The following EIF2B4 variants were observed in gnomAD, a reference collection of about 807,000 sequenced individuals.
EIF2B4 encodes the protein eukaryotic translation initiation factor 2B subunit delta.
A neutral mutation model predicts 66.7 loss-of-function variants in EIF2B4; 34 were observed. The ratio of observed to expected loss-of-function variants is 0.51; its 90% CI spans 0.39 to 0.68. The LOEUF (loss-of-function observed/expected upper bound fraction) is 0.68, where lower values mean the gene tolerates loss of function less well. EIF2B4 is among the 30% of genes least tolerant of loss of function. EIF2B4 has a pLI of 0.00. For synonymous variants in EIF2B4, 278 were observed against 253.6 expected, an observed-to-expected ratio of 1.10 and a Z score of -0.92; for missense variants, 618 against 657.9, an observed-to-expected ratio of 0.94 and a Z score of 0.66.
chr2:27,366,202 G>C (rs1336847415), intron 11 of EIF2B4: 2 of 142,964 alleles, frequency 1.4e-5, no homozygotes, highest in Admixed American at 1.4e-4. Context: ...TGCCCGGGGT[G>C]GGGGTGGGGT....
At chr2:27,368,183 C>T in intron 6 of EIF2B4, 44 bp from the exon 7 acceptor site, 1 of 1,481,416 alleles carries the variant, frequency 6.8e-7, no homozygotes, top group South Asian at 1.2e-5. Context: ...GGAGCTTGAG[C>T]ATCTACTGCC....
At chr2:27,369,331 T>C in intron 3 of EIF2B4, 83 bp downstream of exon 3, 4 of 1,610,478 alleles carry the variant, frequency 2.5e-6, no homozygotes, top group Non-Finnish European at 3.4e-6. Context: ...AAATCAACTT[T>C]GTCCTGTCTC....
At chr2:27,368,244 CCT>C (rs1682011945) in intron 6 of EIF2B4, 105 bp from the exon 7 acceptor site, 2 of 1,298,060 alleles carry the variant, frequency 1.5e-6, no homozygotes, top group East Asian at 2.5e-5. Context: ...TTTCCCCACT[CCT>C]CTACAGTTCT....
In EIF2B4 at chr2:27,370,284, C is replaced by T. The variant is rs1449857863; in HGVS notation, c.31G>A (p.Asp11Asn). Residue 11 changes from aspartate (D) to asparagine (N), a missense_variant and splice_region_variant, in exon 1 of 13, where the codon GAC (aspartate) becomes AAC (asparagine). Transcript: ENST00000347454. Reference protein sequence around the residue: MAAVAVAVREDSGSGMKAELP... With the variant: MAAVAVAVRENSGSGMKAELP... ...TAGGCAGGCCCGGCTCTTCACTCAC[C>T]CTCGCGAACAGCCACGGCCACAGCA... The T allele has an allele frequency of 1.3e-6, 2 of 1,548,756 alleles. No homozygotes were observed. The highest frequency in any genetic ancestry group is 8.7e-7 in the Non-Finnish European group (1 of 1,149,548).
Position 27,368,101 on chromosome 2 carries a change from A to T in EIF2B4, c.629T>A (p.Leu210His), listed in dbSNP as rs1477744910. 6.2e-7 allele frequency: 1 copy of T among 1,600,178 alleles called. No individual in the cohort carries two copies. Among genetic ancestry groups the T allele is most frequent in the Non-Finnish European group, 8.5e-7 (1 of 1,173,276 alleles). Residue 210 changes from leucine to histidine, a missense_variant, in exon 7 of 13, where the codon CTC (leucine) becomes CAC (histidine). Physicochemically the swap from Leu to His is moderately conservative, Grantham distance 99 (BLOSUM62 -3). Transcript: ENST00000347454. ...SSVIHPAMVR[L>H]GLQYSQGLVS... ...CAGGCCCTGGGAGTACTGCAGGCCG[A>T]GTCGCACCATGGCTGGGTGGATCAC...
At chr2:27,367,018 CCTT>C in intron 10 of EIF2B4, 53 bp downstream of exon 10, 2 of 1,613,932 alleles carry the variant, frequency 1.2e-6, no homozygotes, top group Non-Finnish European at 1.7e-6. Flanking sequence ...GTGGGTAGTC[CCTT>C]CTTCAGATCA....
At position 27,364,360 on chromosome 2, in the gene EIF2B4, G is replaced by C; in HGVS notation, c.*40C>G. 6.3e-7 allele frequency: 1 copy of C among 1,597,398 alleles called. No individual in the cohort carries two copies. The highest frequency in any genetic ancestry group is 8.6e-7 in the Non-Finnish European group (1 of 1,167,594). On this transcript the variant is annotated 3_prime_UTR_variant, in exon 13 of 13. Transcript: ENST00000347454. ...AAACAAAGGCAGCAGAGTTGCTGAG[G>C]GTAGGGAGTATGGCATTTATTAACC...
Position 27,368,386 on chromosome 2 carries a change from C to A in EIF2B4, c.576G>T (p.Leu192=). ...HLPQYSRQNS[L]TQFMSIPSSV... is the part of the protein sequence containing the mutation. Reference sequence around the variant, plus strand: ...TAGGATCCTACCTCATAAACTGGGTCAGAGAGTTTTGTCTGCTGTACTGGG... The same window carrying A: ...TAGGATCCTACCTCATAAACTGGGTAAGAGAGTTTTGTCTGCTGTACTGGG... The change falls in exon 6 of 13, where the codon CTG becomes CTT. Residue 192 remains leucine (L), a synonymous_variant. Transcript: ENST00000347454. The A allele has an allele frequency of 6.2e-7, 1 of 1,613,628 alleles. No homozygotes were observed. The highest frequency in any genetic ancestry group is 1.1e-5 in the South Asian group (1 of 90,986).
chr2:27,370,120 CCAGCCGGTGCG>C, intron 1 of EIF2B4, 153 bp downstream of exon 1: 1 of 1,520,232 alleles, frequency 6.6e-7, no homozygotes, highest in East Asian at 2.5e-5. Context: ...CTCACAGCAA[CCAGCCGGTGCG>C]CGGCGCGGGA....
rs1314802247 is a variant in EIF2B4 at position 27,367,793 on chromosome 2, A to G, written c.735T>C (p.Asn245=). The G allele has an allele frequency of 6.2e-7, 1 of 1,614,010 alleles. No individual in the cohort carries two copies. Among genetic ancestry groups the G allele is most frequent in the Non-Finnish European group, 8.5e-7 (1 of 1,180,032 alleles). ...TCACTAGATCCCTGGAGAGTTCTTC[A>G]TTAGGCGGTGTTGTGTAATCCTGAA... ...QVIQDYTTPP[N]EELSRDLVNK... The change falls in exon 8 of 13, where the codon AAT becomes AAC. Residue 245 remains asparagine (N), a synonymous_variant. Transcript: ENST00000347454.
intron 10 of EIF2B4, 40 bp from the exon 11 acceptor site, chr2:27,366,976 G>A (rs1681911687): frequency 1.2e-6 from 2 of 1,613,632 alleles, no homozygotes; most frequent in South Asian, 1.1e-5. Flanking sequence ...ATAAATGTCA[G>A]TAACTGATGA....
At chr2:27,367,305 G>T in intron 9 of EIF2B4, 104 bp from the exon 10 acceptor site, 1 of 1,585,176 alleles carries the variant, frequency 6.3e-7, no homozygotes, top group Non-Finnish European at 8.7e-7. Context: ...CCTATAGAGG[G>T]CTCAGAGATG....
At position 27,368,732 on chromosome 2, in the gene EIF2B4, T is replaced by C. The variant is rs1572608660; in HGVS notation, c.420A>G (p.Gly140=). ...GAGGGTACTCAGGGAGACGCTTCAC[T>C]CCTGAAAGATAATCATCATGTTTTC... The part of the protein sequence containing the change: ...SPSTAGETPS[G]VKRLPEYPQV... Residue 140 remains glycine, a splice_region_variant and synonymous_variant, in exon 5 of 13, where the codon GGA becomes GGG. Transcript: ENST00000347454. 3.1e-6 allele frequency: 5 copies of C among 1,614,134 alleles called. No individual in the cohort carries two copies. The highest frequency in any genetic ancestry group is 4.2e-6 in the Non-Finnish European group (5 of 1,179,980).
intron 4 of EIF2B4, 81 bp downstream of exon 4, chr2:27,368,925 G>A (rs911319154): frequency 6.4e-6 from 10 of 1,552,826 alleles, no homozygotes; most frequent in Admixed American, 3.4e-5. Context: ...GAATGAGAGG[G>A]GAGAGCTGTT....
At chr2:27,367,341 T>G in intron 9 of EIF2B4, 116 bp downstream of exon 9, 3 of 1,575,384 alleles carry the variant, frequency 1.9e-6, no homozygotes, top group Non-Finnish European at 2.6e-6. Flanking sequence ...GCCAAACCAT[T>G]CCTTAACCCT....
Position 27,369,161 on chromosome 2 carries a change from CGAG to C in EIF2B4, c.260_262del (p.Pro87del), listed in dbSNP as rs769733183. 1 of 1,613,526 alleles carries C rather than the reference CGAG, an allele frequency of 6.2e-7. No individual in the cohort carries two copies. The highest frequency in any genetic ancestry group is 8.5e-7 in the Non-Finnish European group (1 of 1,179,986). The stretch of plus-strand genomic sequence containing the variant: ...ACTCCGACCAGCTGGAACTTTCTCC[CGAG>C]GAGTGCCCAACTGAATGCCCGATTC... On this transcript the variant is annotated inframe_deletion, in exon 4 of 13. Transcript: ENST00000347454.
rs1241937297 is a variant in EIF2B4 at position 27,364,824 on chromosome 2, C to T, written c.1266G>A (p.Gln422=). ...GSVMSRVGTA[Q]LALVARAHNV... ...TATGGGCTCGAGCCACCAGGGCTAACTGTGCTGTCCCTACCCGTGACATCA... is the reference window on the plus strand; with the variant it reads ...TATGGGCTCGAGCCACCAGGGCTAATTGTGCTGTCCCTACCCGTGACATCA... Residue 422 remains glutamine, a synonymous_variant, in exon 12 of 13, where the codon CAG becomes CAA. Transcript: ENST00000347454. The T allele has an allele frequency of 6.2e-7, 1 of 1,614,188 alleles. No homozygotes were observed. Among genetic ancestry groups the T allele is most frequent in the Admixed American group, 1.7e-5 (1 of 60,020 alleles).
Position 27,369,063 on chromosome 2 carries a change from C to T in EIF2B4, c.361G>A (p.Glu121Lys). ...GCCTTAGGAGGTGGTCCTCCTTGTT[C>T]CCCTTTTCTTGCCTGTTTCAGGGCC... ...ERALKQARKGEQGGPPPKASP... is the reference protein window; with the variant it reads ...ERALKQARKGKQGGPPPKASP... Residue 121 changes from glutamate to lysine, a missense_variant, in exon 4 of 13, where the codon GAA becomes AAA. Transcript: ENST00000347454. The T allele has an allele frequency of 6.2e-7, 1 of 1,614,140 alleles. No individual in the cohort carries two copies. Among genetic ancestry groups the T allele is most frequent in the Non-Finnish European group, 8.5e-7 (1 of 1,180,026 alleles).
At chr2:27,365,070 CTT>C in intron 11 of EIF2B4, 172 bp from the exon 12 acceptor site, 1 of 614,330 alleles carries the variant, frequency 1.6e-6, no homozygotes, top group Non-Finnish European at 2.7e-6. Flanking sequence ...TTTTTTTTTT[CTT>C]TGAGATGAAG....
Sources: gnomAD v4.1 joint callset for allele counts on GRCh38, gnomAD v4.1.1 for gene constraint, MANE v1.5 for transcripts, NCBI Gene and HGNC (gene_info 2026-07-23, HGNC 2026-07-21) for gene names.